Variants in SPTBN1 observed in about 807,000 individuals in gnomAD.
SPTBN1 encodes spectrin beta chain, non-erythrocytic 1.
Under a neutral mutation model 266.4 loss-of-function variants are expected in SPTBN1, and 32 were observed. The observed-to-expected ratio is 0.12, with a 90% CI of 0.09 to 0.16. The LOEUF is 0.16. Ranked by LOEUF, SPTBN1 falls within the 10% of genes least tolerant of loss-of-function variation. The probability of loss-of-function intolerance (pLI) is 1.00; values close to 1 mark genes in which losing one functional copy is unlikely to be tolerated. For missense variants in SPTBN1, 2,296 were observed against 3,067.1 expected (o/e 0.75, Z 5.94); for synonymous variants, 1,336 against 1,162.2 (o/e 1.15, Z -3.04).
chr2:54,492,849 G>C (rs1347857583), intron 1 of SPTBN1, among the ~76,000 whole-genome samples: 2 of 152,108 alleles, frequency 1.3e-5, no homozygotes, highest in African/African-American at 4.8e-5. Context: ...ATCAGACTCT[G>C]TTTAGCTCTG....
intron 1 of SPTBN1, among the ~76,000 whole-genome samples, chr2:54,502,455 T>C (rs1190128492): frequency 2.0e-5 from 3 of 152,218 alleles, no homozygotes; most frequent in Non-Finnish European, 4.4e-5. Context: ...TAATTGTCTA[T>C]TTCCGGCAAC....
In SPTBN1 at chr2:54,496,330, C is replaced by T. The variant is rs185029158; in HGVS notation, c.-47-30042C>T. On this transcript the variant is annotated intron_variant, in intron 1 of 35. Transcript: ENST00000356805. ...GCGGGCGCCTGTAATCCCAGCTACT[C>T]GGGAGGCTGAGGCTGGAGAATTGCT... 5.7e-4 allele frequency among the ~76,000 whole-genome samples: 85 copies of T among 150,324 alleles called. 1 individual carries two copies. Among genetic ancestry groups the T allele is most frequent in the South Asian group, 3.0e-3 (14 of 4,728 alleles).
rs1678543376 is a variant in SPTBN1 at position 54,628,935 on chromosome 2, T to C, written c.1801T>C (p.Tyr601His). ...GTTCCTTCCTTGATGTTAAACAGGT[T>C]ACAAGCCCTGTGACCCCCAGGTGAT... is the stretch of plus-strand genomic sequence containing the variant. ...AQKFATDGEG[Y>H]KPCDPQVIRD... The change falls in exon 14 of 36, where the codon TAC (tyrosine) becomes CAC (histidine). Residue 601 changes from tyrosine to histidine, a missense_variant and splice_region_variant. Coordinates refer to ENST00000356805, the MANE Select transcript of SPTBN1 (RefSeq NM_003128.3). The surrounding 1 kb of genome is among the most constrained non-coding windows in gnomAD (Gnocchi z 4.3). The C allele has an allele frequency of 1.3e-6, 2 of 1,594,750 alleles. No individual in the cohort carries two copies. The highest frequency in any genetic ancestry group is 1.3e-5 in the African/African-American group (1 of 74,334).
intron 1 of SPTBN1, among the ~76,000 whole-genome samples, chr2:54,478,925 T>TAC (rs1667976238): frequency 1.3e-5 from 2 of 152,090 alleles, no homozygotes; most frequent in African/African-American, 4.8e-5. Context: ...TATATATATA[T>TAC]ATGTTTTATT....
intron 8 of SPTBN1, among the ~76,000 whole-genome samples, chr2:54,621,979 G>T (rs1678019765): frequency 6.6e-6 from 1 of 152,180 alleles, no homozygotes; most frequent in South Asian, 2.1e-4. Context: ...GCTAAATTGA[G>T]CCCTTTTTGT....
At chr2:54,537,860 T>C (rs55972017) in intron 2 of SPTBN1, among the ~76,000 whole-genome samples, 45 of 152,260 alleles carry the variant, frequency 3.0e-4, no homozygotes, top group Non-Finnish European at 5.4e-4. Context: ...TTAGGGGTGT[T>C]TGGGAGAAAG....
At chr2:54,648,119 A>G (rs1680037834) in intron 24 of SPTBN1, among the ~76,000 whole-genome samples, 1 of 152,224 alleles carries the variant, frequency 6.6e-6, no homozygotes, top group African/African-American at 2.4e-5. Flanking sequence ...CCCTGTATTA[A>G]CTTCCAAAGC....
At chr2:54,487,674 A>C (rs1409215009) in intron 1 of SPTBN1, among the ~76,000 whole-genome samples, 1 of 150,790 alleles carries the variant, frequency 6.6e-6, no homozygotes. Context: ...TTCTAGTGTT[A>C]CAATAAATGA....
At chr2:54,490,125 G>A (rs1259725062) in intron 1 of SPTBN1, among the ~76,000 whole-genome samples, 2 of 150,758 alleles carry the variant, frequency 1.3e-5, no homozygotes, top group African/African-American at 4.9e-5. Context: ...TGTCACCCAG[G>A]CTGGAGTGCA....
In SPTBN1 at chr2:54,658,404, GA is replaced by G. The variant is rs1680818780; in HGVS notation, c.6243+360del. Among the ~76,000 whole-genome samples, 4 of 152,230 alleles carry G rather than the reference GA, an allele frequency of 2.6e-5. No homozygotes were observed. In the South Asian group the frequency reaches 8.3e-4, roughly 32 times the overall value. On this transcript the variant is annotated intron_variant, in intron 30 of 35. Coordinates refer to ENST00000356805, the MANE Select transcript of SPTBN1 (RefSeq NM_003128.3). ...CCTCAAAATTTTCTTCAGAATTTCAGAATTAGAATTCCCATCAAATGGAAGC... is the reference window on the plus strand; with the variant it reads ...CCTCAAAATTTTCTTCAGAATTTCAGATTAGAATTCCCATCAAATGGAAGC...
chr2:54,626,445 A>T lies in SPTBN1; in HGVS notation c.1644+211A>T, dbSNP rs550119173. ...GTGAAAAAGTTGTAGAGACCAGTTC[A>T]GTAGCCAGAGCTCTGTTTCTGTGAC... On this transcript the variant is annotated intron_variant, in intron 12 of 35. Transcript: ENST00000356805. This position sits in a 1 kb window ranked among gnomAD's most constrained non-coding sequence, Gnocchi z 4.7. Among the ~76,000 whole-genome samples, 1 of 152,378 alleles carries T rather than the reference A, an allele frequency of 6.6e-6. No homozygotes were observed. The highest frequency in any genetic ancestry group is 1.9e-4 in the East Asian group (1 of 5,192).
At chr2:54,602,882 C>T (rs886771194) in intron 3 of SPTBN1, among the ~76,000 whole-genome samples, 3 of 152,148 alleles carry the variant, frequency 2.0e-5, no homozygotes, top group African/African-American at 7.2e-5. Flanking sequence ...TTAAGAGAAC[C>T]ATACTGGTAC....
rs1671851571 is a variant in SPTBN1 at position 54,540,169 on chromosome 2, C to A, written c.148+13603C>A. The stretch of plus-strand genomic sequence containing the variant: ...GAGAGAAATGGTTGTTGGTTAATCT[C>A]CCAGTCTGTGGTATTCTGTTTTAGC... On this transcript the variant is annotated intron_variant, in intron 2 of 35. Coordinates refer to ENST00000356805, the MANE Select transcript of SPTBN1 (RefSeq NM_003128.3). This position sits in a 1 kb window ranked among gnomAD's most constrained non-coding sequence, Gnocchi z 5.6. Among the ~76,000 whole-genome samples the A allele has an allele frequency of 6.6e-6, 1 of 152,134 alleles. No homozygotes were observed. Among genetic ancestry groups the A allele is most frequent in the South Asian group, 2.1e-4 (1 of 4,830 alleles).
chr2:54,660,505 AAGACTGGTGTATG>A, intron 32 of SPTBN1: 1 of 986,898 alleles, frequency 1.0e-6, no homozygotes, highest in Non-Finnish European at 1.2e-6. Flanking sequence ...ATTAACTAGG[AAGACTGGTGTATG>A]AGGAGGGAGA....
intron 1 of SPTBN1, among the ~76,000 whole-genome samples, chr2:54,482,746 AT>A (rs1192712572): frequency 6.6e-6 from 1 of 152,198 alleles, no homozygotes; most frequent in East Asian, 1.9e-4. Context: ...AGACAGTTTC[AT>A]TGGGCAGCCT....
At chr2:54,667,522 G>A in intron 34 of SPTBN1, 82 bp from the exon 35 acceptor site, 1 of 1,366,420 alleles carries the variant, frequency 7.3e-7, no homozygotes, top group South Asian at 1.2e-5. Context: ...GTCTACTTCT[G>A]TCCTGCATGG....
At position 54,634,817 on chromosome 2, in the gene SPTBN1, ACT is replaced by A. The variant is rs542861732; in HGVS notation, c.3767+2052_3767+2053del. Among the ~76,000 whole-genome samples the A allele has an allele frequency of 5.7e-4, 87 of 152,228 alleles. 1 individual carries two copies. The highest frequency in any genetic ancestry group is 1.6e-3 in the African/African-American group (68 of 41,536). On this transcript the variant is annotated intron_variant, in intron 17 of 35. Transcript: ENST00000356805. ...AAAGAGTACCAGAACAAAGACACTG[ACT>A]CTAACAGATGTGGGTGGGGCATGAG...
chr2:54,558,250 GCT>G lies in SPTBN1; in HGVS notation c.148+31686_148+31687del. The G allele has an allele frequency of 1.0e-6, 1 of 985,374 alleles. No individual in the cohort carries two copies. The highest frequency in any genetic ancestry group is 1.2e-6 in the Non-Finnish European group (1 of 829,910). The allele number at this position is 985,374 out of a possible 1,614,324, so 61.0% of individuals were successfully genotyped here. A position where few individuals can be genotyped will look rare whatever the true frequency, so the allele number is the denominator to read the frequency against. Reference sequence around the variant, plus strand: ...CGGTAGGGGGTCGCGGGCCGGCTAGGCTCCCCCGCGCCCCTCCTCGTGGTATA... The same window carrying G: ...CGGTAGGGGGTCGCGGGCCGGCTAGGCCCCCGCGCCCCTCCTCGTGGTATA... On this transcript the variant is annotated intron_variant, in intron 2 of 35. Transcript: ENST00000356805. This position sits in a 1 kb window ranked among gnomAD's most constrained non-coding sequence, Gnocchi z 4.6.
chr2:54,601,171 G>C (rs1000714746), intron 3 of SPTBN1, among the ~76,000 whole-genome samples: 2 of 152,174 alleles, frequency 1.3e-5, no homozygotes, highest in Non-Finnish European at 2.9e-5. Context: ...CTCTTAGGCA[G>C]TCGATATCAG....
Sources: gnomAD v4.1 joint callset for allele counts (sites outside exome capture counted in the v4.1 genomes callset) on GRCh38, gnomAD v4.1.1 for gene constraint, Gnocchi (gnomAD v3.1) non-coding constraint, MANE v1.5 for transcripts, NCBI Gene and HGNC (gene_info 2026-07-23, HGNC 2026-07-21) for gene names.